Variants in TAF3 observed in about 807,000 individuals in gnomAD.
The protein encoded by TAF3 is TATA-box binding protein associated factor 3.
Under a neutral mutation model 80.6 loss-of-function variants are expected in TAF3, and 7 were observed. The ratio of observed to expected loss-of-function variants is 0.09; its 90% CI spans 0.05 to 0.16. TAF3 has a LOEUF of 0.16. Among genes scored for constraint, TAF3 ranks in the 10% least tolerant of loss-of-function variants. The pLI is 1.00. For synonymous variants in TAF3, 444 were observed against 446.1 expected, an observed-to-expected ratio of 1.00 and a Z score of 0.06; for missense variants, 921 against 1,140.2, an observed-to-expected ratio of 0.81 and a Z score of 2.77.
At chr10:7,875,539 G>T (rs1202500465) in intron 2 of TAF3, among the ~76,000 whole-genome samples, 2 of 152,202 alleles carry the variant, frequency 1.3e-5, no homozygotes, top group African/African-American at 4.8e-5. Flanking sequence ...TGTCCTTCCA[G>T]AGCCAGCGGG....
At chr10:7,834,625 G>C (rs1009580981) in intron 2 of TAF3, among the ~76,000 whole-genome samples, 1 of 151,840 alleles carries the variant, frequency 6.6e-6, no homozygotes, top group African/African-American at 2.4e-5. Context: ...TTCATATTTA[G>C]GACTACAAGG....
chr10:7,913,332 G>A (rs1318172433), intron 2 of TAF3, among the ~76,000 whole-genome samples: 1 of 152,180 alleles, frequency 6.6e-6, no homozygotes, highest in Non-Finnish European at 1.5e-5. Context: ...TTGAAATGCA[G>A]GATGTGCCTG....
At chr10:7,970,958 A>C (rs1018231736) in intron 3 of TAF3, among the ~76,000 whole-genome samples, 1 of 152,020 alleles carries the variant, frequency 6.6e-6, no homozygotes, top group East Asian at 1.9e-4. Flanking sequence ...TTTTTTTGTA[A>C]ATAAACCCAA....
chr10:7,868,421 A>C (rs1415755358), intron 2 of TAF3, among the ~76,000 whole-genome samples: 1 of 151,906 alleles, frequency 6.6e-6, no homozygotes, highest in East Asian at 1.9e-4. Flanking sequence ...GACCATCAGG[A>C]GTGGAGGCAG....
intron 2 of TAF3, among the ~76,000 whole-genome samples, chr10:7,858,657 C>T (rs561208730): frequency 5.9e-5 from 9 of 152,222 alleles, no homozygotes; most frequent in Middle Eastern, 3.4e-3. Flanking sequence ...TTAATGAGAA[C>T]TTATTTTAGG....
chr10:7,953,680 A>G (rs2131404996), intron 2 of TAF3, among the ~76,000 whole-genome samples: 1 of 152,366 alleles, frequency 6.6e-6, no homozygotes, highest in East Asian at 1.9e-4. Flanking sequence ...TGGCCATAAA[A>G]TGTGTTTGAT....
At chr10:7,846,877 A>T (rs1393705746) in intron 2 of TAF3, among the ~76,000 whole-genome samples, 1 of 152,242 alleles carries the variant, frequency 6.6e-6, no homozygotes, top group African/African-American at 2.4e-5. Context: ...AGTAATAATG[A>T]TACAATAGTG....
At chr10:7,965,808 GC>G in intron 3 of TAF3, 66 bp downstream of exon 3, 2 of 1,416,402 alleles carry the variant, frequency 1.4e-6, no homozygotes, top group Non-Finnish European at 1.8e-6. Flanking sequence ...GGTAAACAAA[GC>G]CCACAATTAT....
intron 2 of TAF3, among the ~76,000 whole-genome samples, chr10:7,911,859 T>C (rs1242886319): frequency 3.3e-5 from 5 of 152,174 alleles, no homozygotes; most frequent in Non-Finnish European, 7.4e-5. Context: ...TCTCTTTTCC[T>C]TTTTCAGGAC....
chr10:7,970,978 G>A (rs1831616016), intron 3 of TAF3, among the ~76,000 whole-genome samples: 1 of 152,142 alleles, frequency 6.6e-6, no homozygotes, highest in Admixed American at 6.5e-5. Flanking sequence ...ATAAAGGGGA[G>A]GGAAATGTTT....
At chr10:7,889,104 C>A (rs1194204363) in intron 2 of TAF3, among the ~76,000 whole-genome samples, 1 of 152,150 alleles carries the variant, frequency 6.6e-6, no homozygotes, top group Non-Finnish European at 1.5e-5. Flanking sequence ...ACTTCATATC[C>A]TTGTGGACGT....
chr10:7,978,996 G>A (rs559138141), intron 4 of TAF3, among the ~76,000 whole-genome samples: 18 of 152,080 alleles, frequency 1.2e-4, no homozygotes, highest in Middle Eastern at 3.4e-3. Flanking sequence ...AGCTATGATC[G>A]TGCCCACTGC....
chr10:7,865,604 G>A (rs1011821945), intron 2 of TAF3, among the ~76,000 whole-genome samples: 7 of 152,220 alleles, frequency 4.6e-5, no homozygotes, highest in East Asian at 1.9e-4. Context: ...ACAGGCCTGC[G>A]TGTCGCTGGC....
intron 4 of TAF3, among the ~76,000 whole-genome samples, chr10:7,985,260 G>A (rs140766556): frequency 7.2e-4 from 109 of 152,240 alleles, no homozygotes; most frequent in African/African-American, 2.6e-3. Flanking sequence ...ATCCCCCACG[G>A]CTTGTCGTCC....
intron 2 of TAF3, among the ~76,000 whole-genome samples, chr10:7,825,309 A>G (rs1299646591): frequency 1.3e-5 from 2 of 152,260 alleles, no homozygotes; most frequent in Admixed American, 6.5e-5. Flanking sequence ...AAATGATGCC[A>G]GCAATTACTT....
intron 4 of TAF3, among the ~76,000 whole-genome samples, chr10:7,993,242 G>A (rs531957483): frequency 1.3e-5 from 2 of 152,176 alleles, no homozygotes; most frequent in Non-Finnish European, 1.5e-5. Context: ...GCAGTGGTAC[G>A]ATCATAACTC....
At chr10:7,940,372 A>C (rs1384490004) in intron 2 of TAF3, among the ~76,000 whole-genome samples, 2 of 152,260 alleles carry the variant, frequency 1.3e-5, no homozygotes, top group Non-Finnish European at 2.9e-5. Flanking sequence ...GATGCCATGC[A>C]TATAATAACT....
chr10:7,831,150 C>G (rs962020941), intron 2 of TAF3, among the ~76,000 whole-genome samples: 3 of 152,016 alleles, frequency 2.0e-5, no homozygotes, highest in African/African-American at 7.2e-5. Flanking sequence ...AATCCTTTTC[C>G]TCATCCACTA....
chr10:7,869,884 T>G (rs1837248716), intron 2 of TAF3, among the ~76,000 whole-genome samples: 1 of 152,244 alleles, frequency 6.6e-6, no homozygotes, highest in Non-Finnish European at 1.5e-5. Context: ...ACTTTTTCCA[T>G]TATAAATTGC....
Sources: allele counts gnomAD v4.1 joint callset (sites outside exome capture counted in the v4.1 genomes callset), GRCh38; gene constraint gnomAD v4.1.1; transcripts MANE v1.5; gene names NCBI Gene and HGNC (gene_info 2026-07-23, HGNC 2026-07-21).